GRHL2: variants seen among roughly 807,000 people sequenced by gnomAD.
The protein encoded by GRHL2 is grainyhead-like protein 2 homolog.
GRHL2 carries 21 observed loss-of-function variants against 83.8 expected under a neutral mutation model. That is an observed-to-expected ratio of 0.25 (90% CI 0.18 to 0.36). The LOEUF (loss-of-function observed/expected upper bound fraction) is 0.36. Among genes scored for constraint, GRHL2 ranks in the 10% least tolerant of loss-of-function variants. GRHL2 has a pLI of 1.00. For missense variants in GRHL2, 623 were observed against 781.8 expected, an observed-to-expected ratio of 0.80 and a Z score of 2.42; for synonymous variants, 280 against 278.9, an observed-to-expected ratio of 1.00 and a Z score of -0.04.
At chr8:101,499,082 A>AT (rs1376032350) in intron 1 of GRHL2, among the ~76,000 whole-genome samples, 1 of 152,038 alleles carries the variant, frequency 6.6e-6, no homozygotes, top group Non-Finnish European at 1.5e-5. Context: ...CAAAAAAAAA[A>AT]AAAAAAGTAC....
chr8:101,501,725 G>A (rs537097641), intron 1 of GRHL2, among the ~76,000 whole-genome samples: 127 of 152,180 alleles, frequency 8.3e-4, no homozygotes, highest in Non-Finnish European at 1.3e-3. Context: ...CAAATGCATC[G>A]TAGGGCATGT....
intron 1 of GRHL2, among the ~76,000 whole-genome samples, chr8:101,537,098 A>T (rs1811059508): frequency 6.6e-6 from 1 of 152,182 alleles, no homozygotes; most frequent in Admixed American, 6.5e-5. Context: ...CCTGCAAAGG[A>T]CATGATCTTG....
At chr8:101,600,117 C>T (rs950697405) in intron 8 of GRHL2, among the ~76,000 whole-genome samples, 6 of 152,160 alleles carry the variant, frequency 3.9e-5, no homozygotes, top group Admixed American at 6.5e-5. Flanking sequence ...TTTGCAGGCA[C>T]GGCCACAGAA....
chr8:101,560,543 G>A (rs577320545), intron 4 of GRHL2, among the ~76,000 whole-genome samples: 6 of 152,298 alleles, frequency 3.9e-5, no homozygotes, highest in African/African-American at 9.6e-5. Context: ...GAATTGCTAG[G>A]CCATGTGGCT....
At chr8:101,646,690 G>A (rs1239956481) in intron 13 of GRHL2, among the ~76,000 whole-genome samples, 1 of 152,234 alleles carries the variant, frequency 6.6e-6, no homozygotes, top group Non-Finnish European at 1.5e-5. Flanking sequence ...TTTTGCCTTT[G>A]TGGCAGGGTG....
At chr8:101,521,015 G>A (rs943644642) in intron 1 of GRHL2, among the ~76,000 whole-genome samples, 3 of 152,128 alleles carry the variant, frequency 2.0e-5, no homozygotes, top group African/African-American at 4.8e-5. Flanking sequence ...TGAGTTCTTC[G>A]TGATGAATAA....
chr8:101,645,116 ATTT>A (rs553249046), intron 13 of GRHL2, among the ~76,000 whole-genome samples: 153 of 117,222 alleles, frequency 1.3e-3, no homozygotes, highest in Middle Eastern at 9.3e-3. Flanking sequence ...GCAGTACAGA[ATTT>A]TTTTTTTTTT....
intron 9 of GRHL2, among the ~76,000 whole-genome samples, chr8:101,629,119 G>A (rs1786412254): frequency 6.6e-6 from 1 of 152,218 alleles, no homozygotes; most frequent in Admixed American, 6.5e-5. Flanking sequence ...ACGTGTTACA[G>A]AGAAATCTTT....
chr8:101,619,469 TA>T, intron 8 of GRHL2, 69 bp from the exon 9 acceptor site: 1 of 1,427,584 alleles, frequency 7.0e-7, no homozygotes, highest in Non-Finnish European at 9.9e-7. Context: ...ACTTAAAGTC[TA>T]AAGTTTATGC....
At chr8:101,631,540 T>C in intron 9 of GRHL2, 97 bp from the exon 10 acceptor site, 2 of 982,000 alleles carry the variant, frequency 2.0e-6, no homozygotes, top group Non-Finnish European at 3.2e-6. Context: ...CCTCCTCCCC[T>C]GTATTGTTTC....
At chr8:101,679,728 C>T in the GRHL2 span, among the ~76,000 whole-genome samples, 78 of 151,242 alleles carry the variant, frequency 5.2e-4, no homozygotes, top group Non-Finnish European at 8.1e-4. Flanking sequence ...GCTGATCTCT[C>T]GGCAGAAACC....
chr8:101,568,971 G>A (rs1293162079), intron 4 of GRHL2, among the ~76,000 whole-genome samples: 1 of 152,202 alleles, frequency 6.6e-6, no homozygotes, highest in Non-Finnish European at 1.5e-5. Flanking sequence ...GTTAGGAGTT[G>A]TGAGGAAGTT....
At chr8:101,562,567 G>A (rs1811629953) in intron 4 of GRHL2, 1 of 211,396 alleles carries the variant, frequency 4.7e-6, no homozygotes, top group African/African-American at 2.3e-5. Context: ...TGTGAGGTAA[G>A]GATTGAGACC....
chr8:101,615,851 G>T (rs898242738), intron 8 of GRHL2, among the ~76,000 whole-genome samples: 1 of 152,042 alleles, frequency 6.6e-6, no homozygotes, highest in Non-Finnish European at 1.5e-5. Flanking sequence ...CTTGGTAGGC[G>T]CTTCAAAAAT....
rs572488332 is a variant in GRHL2 at position 101,523,245 on chromosome 8, A to AT, written c.21-19984dup. On this transcript the variant is annotated intron_variant, in intron 1 of 15. Transcript: ENST00000646743. Reference sequence around the variant, plus strand: ...TTATTCTTACAAGGAATGAAAGGGGATTTTTTTTTTTTCCATACAGGTGAA... The same window carrying AT: ...TTATTCTTACAAGGAATGAAAGGGGATTTTTTTTTTTTTCCATACAGGTGAA... 2.0e-3 allele frequency among the ~76,000 whole-genome samples: 283 copies of AT among 144,930 alleles called. 1 individual carries two copies. The East Asian group carries it at 0.024, about 13-fold the overall frequency.
At chr8:101,597,820 T>TA (rs1384830895) in intron 7 of GRHL2, among the ~76,000 whole-genome samples, 1 of 150,716 alleles carries the variant, frequency 6.6e-6, no homozygotes, top group Non-Finnish European at 1.5e-5. Flanking sequence ...CCTTAAAACT[T>TA]AAAGTATAAT....
intron 12 of GRHL2, 52 bp downstream of exon 12, chr8:101,636,980 G>A (rs1346482737): frequency 6.6e-7 from 1 of 1,514,012 alleles, no homozygotes; most frequent in Non-Finnish European, 9.2e-7. Flanking sequence ...TCATGTCAGT[G>A]GTAATGGCTC....
Position 101,570,321 on chromosome 8 carries a change from A to G in GRHL2, c.679-18A>G. On this transcript the variant is annotated intron_variant, in intron 4 of 15. Transcript: ENST00000646743. ...GACTTACCTATTTGTTTTAATTCCG[A>G]TGACTCATATTTTGCAGAAATTTCG... The G allele has an allele frequency of 6.2e-7, 1 of 1,606,506 alleles. No individual in the cohort carries two copies. Among genetic ancestry groups the G allele is most frequent in the Non-Finnish European group, 8.5e-7 (1 of 1,173,098 alleles).
intron 1 of GRHL2, among the ~76,000 whole-genome samples, chr8:101,493,626 G>A (rs1041552805): frequency 7.9e-5 from 12 of 152,156 alleles, no homozygotes; most frequent in African/African-American, 2.9e-4. Context: ...CGCCCCTCGA[G>A]CTCGCGGCCC....
Sources: allele counts gnomAD v4.1 joint callset (sites outside exome capture counted in the v4.1 genomes callset), GRCh38; gene constraint gnomAD v4.1.1; transcripts MANE v1.5; gene names NCBI Gene and HGNC (gene_info 2026-07-23, HGNC 2026-07-21).